The following CDC37L1 variants were observed in gnomAD, a reference collection of about 807,000 sequenced individuals.
CDC37L1 encodes the protein cell division cycle 37 like 1, HSP90 cochaperone, also known as hsp90 co-chaperone Cdc37-like 1.
In CDC37L1, 32 loss-of-function variants were observed where a neutral mutation model predicts 45.9. The ratio of observed to expected loss-of-function variants is 0.70; its 90% CI spans 0.53 to 0.94. CDC37L1 has a LOEUF of 0.94. CDC37L1 is among the 40% of genes least tolerant of loss of function. CDC37L1 has a pLI of 0.00. For synonymous variants in CDC37L1, 150 were observed against 133.0 expected, an observed-to-expected ratio of 1.13 and a Z score of -0.88; for missense variants, 434 against 405.7, an observed-to-expected ratio of 1.07 and a Z score of -0.60.
chr9:4,680,562 G>C (rs1175417965), intron 1 of CDC37L1, among the ~76,000 whole-genome samples: 2 of 152,232 alleles, frequency 1.3e-5, no homozygotes, highest in East Asian at 3.9e-4. Flanking sequence ...TCCTGGTATT[G>C]TGTTTTCAAT....
rs1313029477 is a variant in CDC37L1 at position 4,682,329 on chromosome 9, A to ATTTTTTTTTT, written c.132+2436_132+2445dup. On this transcript the variant is annotated intron_variant, in intron 1 of 6. Coordinates refer to ENST00000381854, the MANE Select transcript of CDC37L1 (RefSeq NM_017913.4). ...AGGTGCCCACCACTGTGCCCAGCTA[A>ATTTTTTTTTT]TTTTTTTTTTTTTTTGAGATGGAGT... Among the ~76,000 whole-genome samples the ATTTTTTTTTT allele has an allele frequency of 1.2e-4, 11 of 92,854 alleles. 1 individual carries two copies. Among genetic ancestry groups the ATTTTTTTTTT allele is most frequent in the African/African-American group, 2.4e-4 (4 of 16,528 alleles). 60.9% of individuals were successfully genotyped at this position (92,854 alleles called of 152,430 possible).
chr9:4,692,835 TTGG>T (rs1306462512), intron 3 of CDC37L1, among the ~76,000 whole-genome samples: 4 of 152,184 alleles, frequency 2.6e-5, no homozygotes, highest in Non-Finnish European at 5.9e-5. Flanking sequence ...ACCACAGGAC[TTGG>T]TGGTCAATTT....
intron 1 of CDC37L1, among the ~76,000 whole-genome samples, chr9:4,684,007 C>T (rs1414403001): frequency 5.9e-5 from 9 of 152,174 alleles, no homozygotes; most frequent in Admixed American, 5.9e-4. Flanking sequence ...ACTTTGTGGC[C>T]AGGCGCAGTG....
intron 1 of CDC37L1, 30 bp from the exon 2 acceptor site, chr9:4,684,847 T>C: frequency 6.4e-7 from 1 of 1,558,064 alleles, no homozygotes; most frequent in Non-Finnish European, 8.8e-7. Flanking sequence ...ATTGCTTTCT[T>C]CATTTCTTAC....
At chr9:4,697,237 C>T in intron 4 of CDC37L1, 26 bp downstream of exon 4, 1 of 998,914 alleles carries the variant, frequency 1.0e-6, no homozygotes, top group Non-Finnish European at 1.6e-6. Flanking sequence ...CCTTGAGTTT[C>T]TGGGAACCTT....
At chr9:4,703,355 T>TTA in intron 6 of CDC37L1, 21 of 291,782 alleles carry the variant, frequency 7.2e-5, no homozygotes, top group East Asian at 1.7e-4. Flanking sequence ...CTACTCTGGC[T>TTA]GAAAAAAAAA....
chr9:4,700,603 G>A (rs542827282), intron 5 of CDC37L1, among the ~76,000 whole-genome samples: 1 of 152,168 alleles, frequency 6.6e-6, no homozygotes, highest in Non-Finnish European at 1.5e-5. Flanking sequence ...AAAGTAAAAC[G>A]GAAAGGCACT....
intron 2 of CDC37L1, among the ~76,000 whole-genome samples, chr9:4,688,183 A>G (rs1347137453): frequency 2.0e-5 from 3 of 152,172 alleles, no homozygotes; most frequent in Admixed American, 2.0e-4. Flanking sequence ...TATTTTTAGT[A>G]GAGACGGGGT....
In CDC37L1 at chr9:4,702,041, AG is replaced by A; in HGVS notation, c.912+14del. The A allele has an allele frequency of 7.6e-7, 1 of 1,324,268 alleles. No individual in the cohort carries two copies. Among genetic ancestry groups the A allele is most frequent in the African/African-American group, 1.5e-5 (1 of 65,766 alleles). The allele number at this position is 1,324,268 out of a possible 1,614,324, so 82.0% of individuals were successfully genotyped here. A position where few individuals can be genotyped will look rare whatever the true frequency, so the allele number is the denominator to read the frequency against. Reference sequence around the variant, plus strand: ...ATCCTTACCACAGGTAAGTTGGAAAAGTAAATATTTGTTTTATAAGCCTATT... The same window carrying A: ...ATCCTTACCACAGGTAAGTTGGAAAATAAATATTTGTTTTATAAGCCTATT... On this transcript the variant is annotated intron_variant, in intron 6 of 6. Transcript: ENST00000381854.
At chr9:4,679,955 T>G in intron 1 of CDC37L1, 56 bp downstream of exon 1, 1 of 1,598,022 alleles carries the variant, frequency 6.3e-7, no homozygotes, top group Non-Finnish European at 8.5e-7. Context: ...GCCAAACCCC[T>G]GGAATGCCGC....
At position 4,707,312 on chromosome 9, in the gene CDC37L1, G is replaced by T. The variant is rs1367382110; in HGVS notation, c.*1200G>T. On this transcript the variant is annotated 3_prime_UTR_variant, in exon 7 of 7. Transcript: ENST00000381854. ...CAATTATGCTATCCTTATTATTGAA[G>T]GATTAATCTTATGACTTAACATAAG... 6.6e-6 allele frequency: 1 copy of T among 151,880 alleles called. No individual in the cohort carries two copies. The highest frequency in any genetic ancestry group is 2.4e-5 in the African/African-American group (1 of 41,236). 9.4% of individuals were successfully genotyped at this position (151,880 alleles called of 1,614,324 possible).
chr9:4,697,149 C>A lies in CDC37L1; in HGVS notation c.562C>A (p.Leu188Ile), dbSNP rs146272968. The change falls in exon 4 of 7, where the codon CTT becomes ATT. Residue 188 changes from leucine (L) to isoleucine (I), a missense_variant. Coordinates refer to ENST00000381854, the MANE Select transcript of CDC37L1 (RefSeq NM_017913.4). ...SQRFLSDHPY[L>I]VCEETAKYLI... is the part of the protein sequence containing the mutation. ...GAGATTTTTGTCTGACCATCCATAC[C>A]TTGTATGTGAAGAAACTGCTAAATA... The A allele has an allele frequency of 1.9e-5, 30 of 1,597,684 alleles. No individual in the cohort carries two copies. In the African/African-American group the frequency reaches 3.4e-4, roughly 18 times the overall value.
At chr9:4,688,023 A>C (rs1241976219) in intron 2 of CDC37L1, among the ~76,000 whole-genome samples, 1 of 152,084 alleles carries the variant, frequency 6.6e-6, no homozygotes, top group Non-Finnish European at 1.5e-5. Flanking sequence ...TGTGAGATGG[A>C]GTCTTGTTCT....
chr9:4,705,364 TTGAG>T (rs1385711941), intron 6 of CDC37L1, among the ~76,000 whole-genome samples: 2 of 152,202 alleles, frequency 1.3e-5, no homozygotes, highest in Non-Finnish European at 2.9e-5. Flanking sequence ...TTTGCATTTA[TTGAG>T]TAAGATTTTA....
rs1563767454 is a variant in CDC37L1, at chr9:4,685,125, C to T, written c.381C>T (p.Ser127=). ...LVQREKMCLW[S]TDAISKDVFN... The stretch of plus-strand genomic sequence containing the variant: ...AAAGAGAGAAGATGTGTCTGTGGAG[C>T]ACGGATGCCATTAGCAAGGATGTTT... The change falls in exon 2 of 7, where the codon AGC becomes AGT. Residue 127 remains serine (S), a synonymous_variant. Transcript: ENST00000381854. 2 of 1,613,596 alleles carry T rather than the reference C, an allele frequency of 1.2e-6. No individual in the cohort carries two copies. Among genetic ancestry groups the T allele is most frequent in the East Asian group, 2.2e-5 (1 of 44,880 alleles).
chr9:4,697,961 C>A (rs1841362960), intron 5 of CDC37L1, 82 bp downstream of exon 5: 1 of 1,314,992 alleles, frequency 7.6e-7, no homozygotes, highest in Non-Finnish European at 1.1e-6. Context: ...CAATAGAAGG[C>A]ATCCAAGCAG....
intron 3 of CDC37L1, among the ~76,000 whole-genome samples, chr9:4,690,672 A>G (rs1189082699): frequency 1.3e-5 from 2 of 152,234 alleles, no homozygotes; most frequent in Non-Finnish European, 2.9e-5. Flanking sequence ...CCAATATACT[A>G]TCTTGTAATA....
intron 1 of CDC37L1, among the ~76,000 whole-genome samples, chr9:4,680,451 A>G (rs948239996): frequency 1.3e-5 from 2 of 152,158 alleles, no homozygotes; most frequent in Non-Finnish European, 2.9e-5. Flanking sequence ...TCGCGTGACC[A>G]TCTTTGCCTT....
rs200881971 is a variant in CDC37L1 at position 4,697,180 on chromosome 9, T to C, written c.593T>C (p.Ile198Thr). The C allele has an allele frequency of 1.3e-4, 205 of 1,567,026 alleles. No homozygotes were observed. Among genetic ancestry groups the C allele is most frequent in the Admixed American group, 2.2e-4 (13 of 59,588 alleles). ...LVCEETAKYL[I>T]LWCFHLEAEK... ...TGTGAAGAAACTGCTAAATATCTTA[T>C]TTTATGGTGTTTTCACCTGGAAGCT... The change falls in exon 4 of 7, where the codon ATT becomes ACT. Residue 198 changes from isoleucine (I) to threonine (T), a missense_variant. Coordinates refer to ENST00000381854, the MANE Select transcript of CDC37L1 (RefSeq NM_017913.4).
Sources: allele counts gnomAD v4.1 joint callset (sites outside exome capture counted in the v4.1 genomes callset), GRCh38; gene constraint gnomAD v4.1.1; transcripts MANE v1.5; gene names NCBI Gene and HGNC (gene_info 2026-07-23, HGNC 2026-07-21).